The following SNX10 variants were observed in gnomAD, a reference collection of about 807,000 sequenced individuals.
SNX10 encodes the protein sorting nexin 10.
Under a neutral mutation model 28.5 loss-of-function variants are expected in SNX10, and 25 were observed. That is an observed-to-expected ratio of 0.88 (90% CI 0.64 to 1.22). The LOEUF is 1.22. Ranked by LOEUF, SNX10 falls within the 50% of genes most tolerant of loss-of-function variation. The probability of loss-of-function intolerance (pLI) is 0.00; values close to 1 mark genes in which losing one functional copy is unlikely to be tolerated. For synonymous variants in SNX10, 62 were observed against 81.4 expected, an observed-to-expected ratio of 0.76 and a Z score of 1.28; for missense variants, 223 against 242.6, an observed-to-expected ratio of 0.92 and a Z score of 0.54.
intron 5 of SNX10, among the ~76,000 whole-genome samples, chr7:26,367,065 T>C (rs1182032014): frequency 6.6e-6 from 1 of 152,142 alleles, no homozygotes; most frequent in East Asian, 1.9e-4. Context: ...CTTGGAACAG[T>C]CACTTCATTC....
chr7:26,364,564 A>T lies in SNX10; in HGVS notation c.141A>T (p.Thr47=). Residue 47 remains threonine, a synonymous_variant, in exon 4 of 7, where the codon ACA becomes ACT. Coordinates refer to ENST00000338523, the MANE Select transcript of SNX10 (RefSeq NM_013322.3). The surrounding 1 kb of genome is among the most constrained non-coding windows in gnomAD (Gnocchi z 4.9). The stretch of plus-strand genomic sequence containing the variant: ...ATAGCATGTGTTTTACAATGAAAAC[A>T]TCCTGTGTACGAAGAAGATATAGAG... The part of the protein sequence containing the change: ...HTNSMCFTMK[T]SCVRRRYREF... The T allele has an allele frequency of 6.2e-7, 1 of 1,614,032 alleles. No individual in the cohort carries two copies. The highest frequency in any genetic ancestry group is 8.5e-7 in the Non-Finnish European group (1 of 1,179,942).
At chr7:26,345,225 C>T (rs1788335300) in intron 1 of SNX10, among the ~76,000 whole-genome samples, 1 of 152,212 alleles carries the variant, frequency 6.6e-6, no homozygotes, top group African/African-American at 2.4e-5. Flanking sequence ...ATGGCAGCCA[C>T]AATTCCACCC....
chr7:26,369,521 C>T (rs1250597651), intron 5 of SNX10, among the ~76,000 whole-genome samples: 2 of 152,076 alleles, frequency 1.3e-5, no homozygotes, highest in Non-Finnish European at 2.9e-5. Flanking sequence ...TTATTTAAAA[C>T]TCATGGAGTA....
At chr7:26,361,190 CT>C in intron 3 of SNX10, 129 bp downstream of exon 3, 1 of 919,110 alleles carries the variant, frequency 1.1e-6, no homozygotes, top group Non-Finnish European at 1.5e-6. Context: ...ACAACTAATG[CT>C]TTTATCTTAC....
chr7:26,318,924 C>T (rs1042793247), intron 1 of SNX10, among the ~76,000 whole-genome samples: 1 of 152,172 alleles, frequency 6.6e-6, no homozygotes, highest in African/African-American at 2.4e-5. Flanking sequence ...TTGAGGCTTT[C>T]TCGGAGAGGT....
chr7:26,317,219 G>A (rs1787127535), intron 1 of SNX10, among the ~76,000 whole-genome samples: 1 of 152,182 alleles, frequency 6.6e-6, no homozygotes, highest in Non-Finnish European at 1.5e-5. Context: ...TACCTAGGGA[G>A]AGCTGACCTT....
chr7:26,348,768 A>G (rs1384313305), intron 2 of SNX10, among the ~76,000 whole-genome samples: 1 of 152,154 alleles, frequency 6.6e-6, no homozygotes, highest in African/African-American at 2.4e-5. Context: ...ACTCCAGTGC[A>G]CTTCTTGTTC....
At chr7:26,366,152 C>G (rs1041556588) in intron 5 of SNX10, among the ~76,000 whole-genome samples, 5 of 152,146 alleles carry the variant, frequency 3.3e-5, no homozygotes, top group Non-Finnish European at 7.3e-5. Context: ...TGAACTGTTT[C>G]TTTTTCTAGT....
At chr7:26,296,093 C>T (rs980534423) in intron 1 of SNX10, among the ~76,000 whole-genome samples, 5 of 151,374 alleles carry the variant, frequency 3.3e-5, no homozygotes, top group African/African-American at 9.7e-5. Context: ...TGTGATTGCA[C>T]CATTGTACTG....
At chr7:26,298,264 A>C (rs1407513222) in intron 1 of SNX10, among the ~76,000 whole-genome samples, 2 of 152,260 alleles carry the variant, frequency 1.3e-5, no homozygotes, top group East Asian at 3.8e-4. Flanking sequence ...AATAGTTGCA[A>C]TATCTATAAC....
intron 1 of SNX10, among the ~76,000 whole-genome samples, chr7:26,305,998 G>A (rs939473810): frequency 1.3e-5 from 2 of 152,108 alleles, no homozygotes; most frequent in African/African-American, 4.8e-5. Flanking sequence ...AGGGTTAAAC[G>A]ATTCTCGTGC....
At chr7:26,355,222 G>A (rs1584161281) in intron 2 of SNX10, among the ~76,000 whole-genome samples, 1 of 152,126 alleles carries the variant, frequency 6.6e-6, no homozygotes, top group Non-Finnish European at 1.5e-5. Context: ...GGACTCCATT[G>A]TCTTGCTGCT....
At chr7:26,343,639 G>T (rs1788264537) in intron 1 of SNX10, among the ~76,000 whole-genome samples, 1 of 152,198 alleles carries the variant, frequency 6.6e-6, no homozygotes, top group African/African-American at 2.4e-5. Context: ...GAGTTTGCTG[G>T]TGCCTGGAAA....
chr7:26,334,181 A>G (rs1787841010), intron 1 of SNX10, among the ~76,000 whole-genome samples: 1 of 152,188 alleles, frequency 6.6e-6, no homozygotes, highest in Non-Finnish European at 1.5e-5. Context: ...TTGTCTTTTT[A>G]AACTTGCTGT....
At chr7:26,342,141 C>T (rs1037865864) in intron 1 of SNX10, among the ~76,000 whole-genome samples, 1 of 151,536 alleles carries the variant, frequency 6.6e-6, no homozygotes, top group African/African-American at 2.4e-5. Flanking sequence ...ATTCTCCTGC[C>T]TCAGCCTCCC....
chr7:26,362,563 A>G (rs890711868), intron 3 of SNX10, among the ~76,000 whole-genome samples: 3 of 152,226 alleles, frequency 2.0e-5, no homozygotes, highest in Non-Finnish European at 4.4e-5. Context: ...CAGCAAAAAC[A>G]AGCAAATAGA....
intron 1 of SNX10, among the ~76,000 whole-genome samples, chr7:26,320,221 A>G (rs1787258074): frequency 6.6e-6 from 1 of 151,848 alleles, no homozygotes; most frequent in African/African-American, 2.4e-5. Flanking sequence ...ACCTCAAGTG[A>G]TCTGCCTGCC....
At chr7:26,319,756 A>C (rs1163910625) in intron 1 of SNX10, among the ~76,000 whole-genome samples, 3 of 152,172 alleles carry the variant, frequency 2.0e-5, no homozygotes, top group African/African-American at 4.8e-5. Context: ...GATGATAACA[A>C]AACAAAAATA....
intron 2 of SNX10, among the ~76,000 whole-genome samples, chr7:26,358,791 T>C (rs1407203306): frequency 2.7e-5 from 4 of 145,698 alleles, no homozygotes; most frequent in Non-Finnish European, 6.0e-5. Context: ...AGCATCACTA[T>C]AGTGTTATCT....
Sources: gnomAD v4.1 joint callset for allele counts (sites outside exome capture counted in the v4.1 genomes callset) on GRCh38, gnomAD v4.1.1 for gene constraint, Gnocchi (gnomAD v3.1) non-coding constraint, MANE v1.5 for transcripts, NCBI Gene and HGNC (gene_info 2026-07-23, HGNC 2026-07-21) for gene names.